Variants in CADPS2 observed in about 807,000 individuals in gnomAD.
CADPS2 encodes the protein calcium-dependent secretion activator 2.
In CADPS2, 93 loss-of-function variants were observed where a neutral mutation model predicts 172.5. The ratio of observed to expected loss-of-function variants is 0.54; its 90% CI spans 0.46 to 0.64. CADPS2 has a LOEUF of 0.64. CADPS2 is among the 30% of genes least tolerant of loss of function. CADPS2 has a pLI of 0.00. For missense variants in CADPS2, 1,420 were observed against 1,565.9 expected (o/e 0.91, Z 1.57); for synonymous variants, 546 against 555.2 (o/e 0.98, Z 0.23).
chr7:122,569,877 C>T (rs1232656008), intron 7 of CADPS2, among the ~76,000 whole-genome samples: 75 of 141,536 alleles, frequency 5.3e-4, no homozygotes, highest in Non-Finnish European at 8.0e-4. Context: ...ATACAAAAAT[C>T]AATTCAAGAT....
intron 29 of CADPS2, among the ~76,000 whole-genome samples, chr7:122,320,543 T>G (rs763220834): frequency 1.3e-5 from 2 of 152,190 alleles, no homozygotes; most frequent in African/African-American, 2.4e-5. Context: ...ACAATTACTA[T>G]GACTACATCA....
chr7:122,464,115 C>T (rs1265773484), intron 14 of CADPS2, among the ~76,000 whole-genome samples: 1 of 152,060 alleles, frequency 6.6e-6, no homozygotes, highest in African/African-American at 2.4e-5. Flanking sequence ...AACCAGAGCT[C>T]CTTGGAGAAC....
At chr7:122,405,617 G>C (rs1187306219) in intron 20 of CADPS2, among the ~76,000 whole-genome samples, 5 of 152,150 alleles carry the variant, frequency 3.3e-5, no homozygotes, top group Non-Finnish European at 7.3e-5. Flanking sequence ...CACTGGGAGT[G>C]TCACTGCACT....
intron 6 of CADPS2, among the ~76,000 whole-genome samples, chr7:122,598,540 TATTTA>T (rs2133402794): frequency 1.3e-5 from 2 of 152,224 alleles, no homozygotes; most frequent in African/African-American, 4.8e-5. Flanking sequence ...TAGCAGATTG[TATTTA>T]ATTATGTAGT....
chr7:122,662,984 T>A (rs1279316774), intron 3 of CADPS2, among the ~76,000 whole-genome samples: 1 of 152,216 alleles, frequency 6.6e-6, no homozygotes, highest in Non-Finnish European at 1.5e-5. Flanking sequence ...GGCACAAATC[T>A]AATGTCCTAC....
rs1446604985 is a variant in CADPS2 at position 122,552,705 on chromosome 7, G to A, written c.1475+1845C>T. On this transcript the variant is annotated intron_variant, in intron 8 of 29. Transcript: ENST00000449022. ...GTTCTTGAGACAAGCTGAAGGTCCAGGAGTATTCACCATGGCATAGTACTG... is the reference window on the plus strand; with the variant it reads ...GTTCTTGAGACAAGCTGAAGGTCCAAGAGTATTCACCATGGCATAGTACTG... Among the ~76,000 whole-genome samples the A allele has an allele frequency of 2.6e-5, 4 of 151,570 alleles. No individual in the cohort carries two copies. In the East Asian group the frequency reaches 7.8e-4, roughly 30 times the overall value.
chr7:122,587,172 T>C (rs1428071880), intron 6 of CADPS2, among the ~76,000 whole-genome samples: 1 of 151,782 alleles, frequency 6.6e-6, no homozygotes, highest in Non-Finnish European at 1.5e-5. Flanking sequence ...ACATAGGTAA[T>C]GTATGCCACA....
intron 25 of CADPS2, among the ~76,000 whole-genome samples, chr7:122,377,603 T>C (rs2042507390): frequency 6.6e-6 from 1 of 152,152 alleles, no homozygotes; most frequent in African/African-American, 2.4e-5. Flanking sequence ...AGGTGCAAAG[T>C]TAACTTTATT....
At chr7:122,847,490 T>C (rs1812311806) in intron 1 of CADPS2, among the ~76,000 whole-genome samples, 1 of 152,244 alleles carries the variant, frequency 6.6e-6, no homozygotes, top group African/African-American at 2.4e-5. Flanking sequence ...TCAATAATTA[T>C]GTGTTCAGCT....
intron 28 of CADPS2, 133 bp from the exon 29 acceptor site, chr7:122,325,714 C>T (rs555613174): frequency 1.4e-4 from 84 of 595,614 alleles, no homozygotes; most frequent in African/African-American, 1.3e-3. Flanking sequence ...CACTTGAAGT[C>T]AATAATGCTA....
chr7:122,557,280 T>A (rs956688517), intron 7 of CADPS2, among the ~76,000 whole-genome samples: 3 of 152,142 alleles, frequency 2.0e-5, no homozygotes, highest in African/African-American at 7.2e-5. Flanking sequence ...GCTCCCAAGG[T>A]GCAGAGCCCA....
intron 20 of CADPS2, among the ~76,000 whole-genome samples, chr7:122,404,033 G>A (rs974452263): frequency 3.3e-5 from 5 of 151,978 alleles, no homozygotes; most frequent in Admixed American, 6.6e-5. Flanking sequence ...GGGTACATGT[G>A]CACAATGTGC....
At chr7:122,447,220 T>C (rs987424231) in intron 15 of CADPS2, among the ~76,000 whole-genome samples, 3 of 152,064 alleles carry the variant, frequency 2.0e-5, no homozygotes, top group East Asian at 3.9e-4. Flanking sequence ...TTACTTTCCA[T>C]GCCTTGCTCA....
At chr7:122,336,040 T>C (rs896383744) in intron 28 of CADPS2, among the ~76,000 whole-genome samples, 1 of 152,212 alleles carries the variant, frequency 6.6e-6, no homozygotes, top group Non-Finnish European at 1.5e-5. Flanking sequence ...TGATGTGTTA[T>C]CTAGGGCTGT....
intron 9 of CADPS2, among the ~76,000 whole-genome samples, chr7:122,500,485 A>G (rs2059109530): frequency 6.6e-6 from 1 of 152,214 alleles, no homozygotes; most frequent in African/African-American, 2.4e-5. Flanking sequence ...TCCACTTACC[A>G]TAACAAATGA....
chr7:122,859,233 TAA>T (rs973725407), intron 1 of CADPS2, among the ~76,000 whole-genome samples: 3 of 152,174 alleles, frequency 2.0e-5, no homozygotes, highest in East Asian at 3.8e-4. Context: ...AAGACTTTCT[TAA>T]AAGTTTAAAG....
chr7:122,697,883 AG>A, intron 2 of CADPS2: 1 of 1,613,604 alleles, frequency 6.2e-7, no homozygotes, highest in Non-Finnish European at 8.5e-7. Flanking sequence ...ACTTTATCTG[AG>A]GTTCCTGCAG....
At chr7:122,416,496 C>G (rs1398157617) in intron 17 of CADPS2, among the ~76,000 whole-genome samples, 2 of 152,202 alleles carry the variant, frequency 1.3e-5, no homozygotes, top group Non-Finnish European at 2.9e-5. Context: ...TCTTTTCTTT[C>G]TCTCTGTATT....
intron 17 of CADPS2, among the ~76,000 whole-genome samples, chr7:122,430,319 T>C (rs549127597): frequency 2.6e-5 from 4 of 152,318 alleles, no homozygotes; most frequent in African/African-American, 7.2e-5. Context: ...GTCTCCCCTT[T>C]TATATCTTAA....
Sources: allele counts gnomAD v4.1 joint callset (sites outside exome capture counted in the v4.1 genomes callset), GRCh38; gene constraint gnomAD v4.1.1; transcripts MANE v1.5; gene names NCBI Gene and HGNC (gene_info 2026-07-23, HGNC 2026-07-21).